The following SEC14L1 variants were observed in gnomAD, a reference collection of about 807,000 sequenced individuals.
The protein encoded by SEC14L1 is SEC14 like lipid binding 1.
SEC14L1 carries 48 observed loss-of-function variants against 85.3 expected under a neutral mutation model. The observed-to-expected ratio is 0.56, with a 90% CI of 0.45 to 0.72. SEC14L1 has a LOEUF of 0.72. SEC14L1 is among the 30% of genes least tolerant of loss of function. SEC14L1 has a pLI of 0.00. For synonymous variants in SEC14L1, 391 were observed against 355.5 expected, an observed-to-expected ratio of 1.10 and a Z score of -1.12; for missense variants, 682 against 921.4, an observed-to-expected ratio of 0.74 and a Z score of 3.36.
chr17:77,216,348 G>T lies in SEC14L1; in HGVS notation c.*2325G>T. The T allele has an allele frequency of 7.7e-7, 1 of 1,300,680 alleles. No homozygotes were observed. The highest frequency in any genetic ancestry group is 1.8e-5 in the South Asian group (1 of 54,136). 80.6% of individuals were successfully genotyped at this position (1,300,680 alleles called of 1,614,324 possible). On this transcript the variant is annotated 3_prime_UTR_variant, in exon 17 of 17. Coordinates refer to ENST00000436233, the MANE Select transcript of SEC14L1 (RefSeq NM_001143998.2). Reference sequence around the variant, plus strand: ...GTAGGGCTAGTAGGTAGGGTTAGTAGGTAGGGCTAGTAGGTAGGGCTAGTA... The same window carrying T: ...GTAGGGCTAGTAGGTAGGGTTAGTATGTAGGGCTAGTAGGTAGGGCTAGTA...
At chr17:77,157,694 AT>A (rs1245984996) in intron 3 of SEC14L1, among the ~76,000 whole-genome samples, 1 of 151,884 alleles carries the variant, frequency 6.6e-6, no homozygotes, top group East Asian at 1.9e-4. Context: ...TCCCCGGCTA[AT>A]TTTTGTATTT....
chr17:77,143,031 A>T (rs972053476), intron 2 of SEC14L1, among the ~76,000 whole-genome samples: 1 of 152,380 alleles, frequency 6.6e-6, no homozygotes, highest in Admixed American at 6.5e-5. Context: ...GTACACAGTT[A>T]GAAAATAGGA....
chr17:77,137,980 A>G (rs1483768178), upstream of SEC14L1, among the ~76,000 whole-genome samples: 2 of 152,166 alleles, frequency 1.3e-5, no homozygotes, highest in Non-Finnish European at 2.9e-5. Flanking sequence ...GTCTCCCTGA[A>G]CATTCAGGGA....
rs1254638220 is a variant in SEC14L1 at position 77,198,576 on chromosome 17, C to CT, written c.820-1892dup. Among the ~76,000 whole-genome samples, 1,003 of 141,812 alleles carry CT rather than the reference C, an allele frequency of 7.1e-3. 4 individuals carry two copies. Among genetic ancestry groups the CT allele is most frequent in the African/African-American group, 0.014 (547 of 38,878 alleles). 93.0% of individuals were successfully genotyped at this position (141,812 alleles called of 152,430 possible). A position where few individuals can be genotyped will look rare whatever the true frequency, so the allele number is the denominator to read the frequency against. ...ATCTGAATTCTGGTGTATGAGATCT[C>CT]TTTTTTTTTTTTTTTTGAGACGGAG... On this transcript the variant is annotated intron_variant, in intron 8 of 16. Coordinates refer to ENST00000436233, the MANE Select transcript of SEC14L1 (RefSeq NM_001143998.2).
At chr17:77,143,259 G>C (rs1973138954) in intron 2 of SEC14L1, among the ~76,000 whole-genome samples, 1 of 152,152 alleles carries the variant, frequency 6.6e-6, no homozygotes, top group African/African-American at 2.4e-5. Flanking sequence ...TTCATTGCTG[G>C]AAAGGACTCA....
At chr17:77,134,258 T>G (rs1415685983) in intron 3 of SEC14L1, among the ~76,000 whole-genome samples, 4 of 151,830 alleles carry the variant, frequency 2.6e-5, no homozygotes, top group African/African-American at 9.7e-5. Flanking sequence ...ACACTTTTTT[T>G]TTTTTTTTGG....
At chr17:77,100,253 C>T (rs1220601365) in intron 3 of SEC14L1, among the ~76,000 whole-genome samples, 1 of 152,228 alleles carries the variant, frequency 6.6e-6, no homozygotes, top group Non-Finnish European at 1.5e-5. Flanking sequence ...CCCTTCTGCA[C>T]CCTCCGAGCA....
chr17:77,200,685 A>C lies in SEC14L1; in HGVS notation c.1009+12A>C, dbSNP rs1440756469. 5 of 1,604,366 alleles carry C rather than the reference A, an allele frequency of 3.1e-6. No individual in the cohort carries two copies. The highest frequency in any genetic ancestry group is 4.3e-6 in the Non-Finnish European group (5 of 1,174,836). The stretch of plus-strand genomic sequence containing the variant: ...TCATCACGACAAAGGTACCGGATGG[A>C]GTTGAAACTGTGTTTCCATCGTTGT... On this transcript the variant is annotated intron_variant, in intron 9 of 16. Coordinates refer to ENST00000436233, the MANE Select transcript of SEC14L1 (RefSeq NM_001143998.2).
intron 3 of SEC14L1, chr17:77,152,692 C>G (rs952908828): frequency 5.9e-5 from 9 of 152,176 alleles, no homozygotes; most frequent in Non-Finnish European, 1.0e-4. Context: ...CCTTTTTAAA[C>G]ACAGCCGCCA....
chr17:77,147,629 G>A (rs1973373612), intron 3 of SEC14L1, among the ~76,000 whole-genome samples: 1 of 152,130 alleles, frequency 6.6e-6, no homozygotes, highest in Non-Finnish European at 1.5e-5. Flanking sequence ...CGAGTTTAGT[G>A]TTCTTTTCTC....
chr17:77,092,663 T>C (rs1008600022), intron 2 of SEC14L1, among the ~76,000 whole-genome samples: 1 of 151,898 alleles, frequency 6.6e-6, no homozygotes, highest in Non-Finnish European at 1.5e-5. Context: ...GAAAGATGGG[T>C]TAGAGCCGGG....
At chr17:77,148,804 G>A (rs960916138) in intron 3 of SEC14L1, among the ~76,000 whole-genome samples, 7 of 152,208 alleles carry the variant, frequency 4.6e-5, no homozygotes, top group South Asian at 2.1e-4. Context: ...TGTGTGTCCT[G>A]TGTTGAAGGC....
Position 77,123,174 on chromosome 17 carries a change from C to T in SEC14L1, c.-135-19472C>T, listed in dbSNP as rs186600737. On this transcript the variant is annotated intron_variant, in intron 3 of 19. Transcript: ENST00000392476. Reference sequence around the variant, plus strand: ...AAGCGATCCTTCTGCCTCAGCCTCCCGAGTAGCTGGGACTACAGGTGCTCG... The same window carrying T: ...AAGCGATCCTTCTGCCTCAGCCTCCTGAGTAGCTGGGACTACAGGTGCTCG... 4.8e-4 allele frequency among the ~76,000 whole-genome samples: 73 copies of T among 151,556 alleles called. No individual in the cohort carries two copies. The East Asian group carries it at 0.013, about 28-fold the overall frequency.
chr17:77,120,754 G>A (rs980810454), intron 3 of SEC14L1, among the ~76,000 whole-genome samples: 1 of 152,184 alleles, frequency 6.6e-6, no homozygotes, highest in Non-Finnish European at 1.5e-5. Context: ...TAGGATTACA[G>A]GCGTGAGCCA....
intron 3 of SEC14L1, among the ~76,000 whole-genome samples, chr17:77,172,470 T>C (rs762628516): frequency 2.6e-5 from 4 of 152,184 alleles, no homozygotes; most frequent in Non-Finnish European, 5.9e-5. Context: ...AAGTTCTTTA[T>C]AGGTTTTGGC....
chr17:77,119,533 G>A (rs1255910056), intron 3 of SEC14L1, among the ~76,000 whole-genome samples: 1 of 152,106 alleles, frequency 6.6e-6, no homozygotes, highest in African/African-American at 2.4e-5. Flanking sequence ...CGTGGCTGTT[G>A]TCAAGGAGGT....
chr17:77,195,037 G>A (rs767077451), intron 7 of SEC14L1, 126 bp downstream of exon 7: 17 of 676,674 alleles, frequency 2.5e-5, no homozygotes, highest in African/African-American at 1.4e-4. Context: ...GGAAAGACCC[G>A]TCTCTCGTTT....
At chr17:77,120,068 C>T (rs73376341) in intron 3 of SEC14L1, among the ~76,000 whole-genome samples, 28,004 of 152,006 alleles carry the variant, frequency 0.18, 2,808 homozygotes, top group Middle Eastern at 0.26. Context: ...TGACAAACAT[C>T]GTCTTAAAAA....
intron 1 of SEC14L1, chr17:77,141,327 T>TCGCCCCCCTCCCC (rs1567889313): frequency 1.2e-4 from 3 of 24,562 alleles, no homozygotes; most frequent in African/African-American, 3.2e-4. Flanking sequence ...TCGCCGCCCC[T>TCGCCCCCCTCCCC]CGCCCCCCTC....
Sources: gnomAD v4.1 joint callset for allele counts (sites outside exome capture counted in the v4.1 genomes callset) on GRCh38, gnomAD v4.1.1 for gene constraint, MANE v1.5 for transcripts, NCBI Gene and HGNC (gene_info 2026-07-23, HGNC 2026-07-21) for gene names.